The following CAMTA1 variants were observed in gnomAD, a reference collection of about 807,000 sequenced individuals.
CAMTA1 encodes calmodulin-binding transcription activator 1.
Under a neutral mutation model 170.9 loss-of-function variants are expected in CAMTA1, and 27 were observed. That is an observed-to-expected ratio of 0.16 (90% CI 0.12 to 0.22). The LOEUF (loss-of-function observed/expected upper bound fraction) is 0.22, where lower values mean the gene tolerates loss of function less well. Among genes scored for constraint, CAMTA1 ranks in the 10% least tolerant of loss-of-function variants. The pLI is 1.00. For missense variants in CAMTA1, 1,619 were observed against 2,217.2 expected (o/e 0.73, Z 5.42); for synonymous variants, 833 against 891.5 (o/e 0.93, Z 1.17).
At chr1:7,429,651 T>C (rs1402743204) in intron 5 of CAMTA1, among the ~76,000 whole-genome samples, 1 of 152,084 alleles carries the variant, frequency 6.6e-6, no homozygotes, top group Non-Finnish European at 1.5e-5. Context: ...GTGATGACAG[T>C]GCTGATAATA....
At chr1:7,354,573 G>A (rs981954495) in intron 5 of CAMTA1, among the ~76,000 whole-genome samples, 1 of 152,188 alleles carries the variant, frequency 6.6e-6, no homozygotes, top group African/African-American at 2.4e-5. Context: ...TTACCTTTGA[G>A]TATATACTCA....
chr1:7,336,089 G>A (rs1475884964), intron 5 of CAMTA1, among the ~76,000 whole-genome samples: 2 of 152,172 alleles, frequency 1.3e-5, no homozygotes, highest in African/African-American at 4.8e-5. Flanking sequence ...TGGCCACCTG[G>A]AGTGGCCGCT....
chr1:7,124,347 C>T (rs1007329389), intron 4 of CAMTA1, among the ~76,000 whole-genome samples: 4 of 152,332 alleles, frequency 2.6e-5, no homozygotes, highest in South Asian at 2.1e-4. Flanking sequence ...CTGTCCCTCC[C>T]GTTGTGGAAG....
chr1:7,745,181 G>C (rs917923459), intron 17 of CAMTA1, among the ~76,000 whole-genome samples, 159 bp downstream of exon 17: 3 of 152,156 alleles, frequency 2.0e-5, no homozygotes, highest in Non-Finnish European at 2.9e-5. Flanking sequence ...TCAAGGCCCA[G>C]CTCCTATTCC....
At chr1:6,801,029 A>G (rs1048104178) in intron 1 of CAMTA1, among the ~76,000 whole-genome samples, 2 of 152,198 alleles carry the variant, frequency 1.3e-5, no homozygotes, top group African/African-American at 4.8e-5. Flanking sequence ...CTGTTGTGCT[A>G]AAAAGAAAGC....
chr1:7,656,486 C>G lies in CAMTA1; in HGVS notation c.665-5240C>G, dbSNP rs554249568. Among the ~76,000 whole-genome samples the G allele has an allele frequency of 3.9e-5, 6 of 152,386 alleles. No individual in the cohort carries two copies. In the East Asian group the frequency reaches 1.2e-3, roughly 29 times the overall value. The stretch of plus-strand genomic sequence containing the variant: ...TAACCGTAATTACCTCCTTAAAAGT[C>G]TGTTTCCAAATACAGTCACATTGGT... On this transcript the variant is annotated intron_variant, in intron 7 of 22. Transcript: ENST00000303635.
intron 5 of CAMTA1, among the ~76,000 whole-genome samples, chr1:7,418,968 A>G (rs2149302937): frequency 6.6e-6 from 1 of 152,292 alleles, no homozygotes; most frequent in East Asian, 1.9e-4. Flanking sequence ...AGATCAGGTC[A>G]CTGCCCGCCA....
chr1:6,895,033 A>T (rs747476244), intron 3 of CAMTA1, among the ~76,000 whole-genome samples: 11 of 152,230 alleles, frequency 7.2e-5, no homozygotes, highest in Non-Finnish European at 1.5e-4. Context: ...AACTACTTAC[A>T]GGCCCTGAGC....
intron 3 of CAMTA1, among the ~76,000 whole-genome samples, chr1:7,039,219 G>A (rs1280836975): frequency 2.0e-5 from 3 of 152,038 alleles, no homozygotes; most frequent in Admixed American, 2.0e-4. Flanking sequence ...TTGGAGTGTG[G>A]CGTCATGGCT....
intron 4 of CAMTA1, among the ~76,000 whole-genome samples, chr1:7,102,142 G>A (rs1367997408): frequency 2.6e-5 from 4 of 152,226 alleles, no homozygotes; most frequent in Middle Eastern, 6.8e-3. Context: ...GTGTCTTAGC[G>A]AGTTGAAATT....
intron 3 of CAMTA1, among the ~76,000 whole-genome samples, chr1:6,850,192 C>T (rs916486590): frequency 4.6e-5 from 7 of 152,058 alleles, no homozygotes; most frequent in African/African-American, 1.7e-4. Context: ...AAGGACCATA[C>T]CCATTCTAAT....
At chr1:6,828,814 A>G (rs190912186) in intron 3 of CAMTA1, among the ~76,000 whole-genome samples, 113 of 150,262 alleles carry the variant, frequency 7.5e-4, no homozygotes, top group African/African-American at 2.7e-3. Context: ...AGGAACTTTC[A>G]TTCTATTGTT....
At chr1:6,862,481 T>G (rs1421761044) in intron 3 of CAMTA1, among the ~76,000 whole-genome samples, 1 of 152,236 alleles carries the variant, frequency 6.6e-6, no homozygotes, top group Non-Finnish European at 1.5e-5. Flanking sequence ...TGAACATAGG[T>G]GTAAAATCTG....
chr1:7,346,479 T>A (rs1237363823), intron 5 of CAMTA1, among the ~76,000 whole-genome samples: 1 of 152,122 alleles, frequency 6.6e-6, no homozygotes, highest in Non-Finnish European at 1.5e-5. Context: ...AGCTGAGAGC[T>A]TTCTTCTTAA....
At chr1:7,619,752 C>G (rs1035990419) in intron 6 of CAMTA1, among the ~76,000 whole-genome samples, 1 of 151,646 alleles carries the variant, frequency 6.6e-6, no homozygotes, top group Non-Finnish European at 1.5e-5. Context: ...TGGGTTCAAG[C>G]GATTCTCGTG....
chr1:7,685,419 G>A lies in CAMTA1; in HGVS notation c.2914+7686G>A, dbSNP rs1016983923. On this transcript the variant is annotated intron_variant, in intron 11 of 22. Coordinates refer to ENST00000303635, the MANE Select transcript of CAMTA1 (RefSeq NM_015215.4). This position sits in a 1 kb window ranked among gnomAD's most constrained non-coding sequence, Gnocchi z 5.7. ...CACACTGACCAGCTTGGCTCCTGCCGAGACCACAGCACATCCCTGTGGACC... is the reference window on the plus strand; with the variant it reads ...CACACTGACCAGCTTGGCTCCTGCCAAGACCACAGCACATCCCTGTGGACC... Among the ~76,000 whole-genome samples the A allele has an allele frequency of 2.0e-5, 3 of 152,100 alleles. No homozygotes were observed. The highest frequency in any genetic ancestry group is 6.5e-5 in the Admixed American group (1 of 15,276).
chr1:7,767,964 T>C lies in CAMTA1; in HGVS notation c.*1473T>C, dbSNP rs1435264841. The C allele has an allele frequency of 6.6e-6, 1 of 152,570 alleles. No individual in the cohort carries two copies. The highest frequency in any genetic ancestry group is 2.4e-5 in the African/African-American group (1 of 41,438). The allele number at this position is 152,570 out of a possible 1,614,324, so 9.5% of individuals were successfully genotyped here. A position where few individuals can be genotyped will look rare whatever the true frequency, so the allele number is the denominator to read the frequency against. ...TACCAGGAGTTTAGTTTATTTTATT[T>C]AAAATTTTTTTGCCAATGGTGCCAA... On this transcript the variant is annotated 3_prime_UTR_variant, in exon 23 of 23. Coordinates refer to ENST00000303635, the MANE Select transcript of CAMTA1 (RefSeq NM_015215.4).
At chr1:7,215,259 GTTC>G (rs920145694) in intron 4 of CAMTA1, among the ~76,000 whole-genome samples, 16 of 151,840 alleles carry the variant, frequency 1.1e-4, no homozygotes, top group African/African-American at 3.6e-4. Context: ...TTTTGCTGTT[GTTC>G]TTCTTCTAGC....
Position 7,580,542 on chromosome 1 carries a change from A to T in CAMTA1, c.511-59858A>T, listed in dbSNP as rs745966689. Reference sequence around the variant, plus strand: ...CCTCTTCCCATGAGCCAGGTGGCAGACAGGACACCCGCACATGGAGGAACC... The same window carrying T: ...CCTCTTCCCATGAGCCAGGTGGCAGTCAGGACACCCGCACATGGAGGAACC... On this transcript the variant is annotated intron_variant, in intron 6 of 22. Coordinates refer to ENST00000303635, the MANE Select transcript of CAMTA1 (RefSeq NM_015215.4). This position sits in a 1 kb window ranked among gnomAD's most constrained non-coding sequence, Gnocchi z 4.3. Among the ~76,000 whole-genome samples the T allele has an allele frequency of 4.6e-5, 7 of 152,100 alleles. No individual in the cohort carries two copies. The highest frequency in any genetic ancestry group is 1.0e-4 in the Non-Finnish European group (7 of 68,008).
Sources: gnomAD v4.1 joint callset for allele counts (sites outside exome capture counted in the v4.1 genomes callset) on GRCh38, gnomAD v4.1.1 for gene constraint, Gnocchi (gnomAD v3.1) non-coding constraint, MANE v1.5 for transcripts, NCBI Gene and HGNC (gene_info 2026-07-23, HGNC 2026-07-21) for gene names.